Variants in CSMD2 observed in about 807,000 individuals in gnomAD.
The protein encoded by CSMD2 is CUB and sushi domain-containing protein 2.
CSMD2 carries 130 observed loss-of-function variants against 398.5 expected under a neutral mutation model. The ratio of observed to expected loss-of-function variants is 0.33; its 90% CI spans 0.28 to 0.38. The LOEUF is 0.38. CSMD2 is among the 10% of genes least tolerant of loss of function. The pLI is 1.00. For synonymous variants in CSMD2, 1,828 were observed against 1,908.5 expected, an observed-to-expected ratio of 0.96 and a Z score of 1.10; for missense variants, 3,829 against 4,764.9, an observed-to-expected ratio of 0.80 and a Z score of 5.78.
At chr1:33,890,240 T>TC (rs1412255080) in intron 5 of CSMD2, among the ~76,000 whole-genome samples, 1 of 148,412 alleles carries the variant, frequency 6.7e-6, no homozygotes, top group Non-Finnish European at 1.5e-5. Flanking sequence ...TTCTTTTTTT[T>TC]TTTTTTTTGA....
intron 5 of CSMD2, among the ~76,000 whole-genome samples, chr1:33,868,793 G>C (rs1470974426): frequency 6.6e-6 from 1 of 152,042 alleles, no homozygotes; most frequent in African/African-American, 2.4e-5. Flanking sequence ...GTTTTTGATA[G>C]GGTAAAGTAC....
At chr1:33,540,451 C>T (rs1234618702) in intron 60 of CSMD2, 74 bp downstream of exon 60, 1 of 1,530,442 alleles carries the variant, frequency 6.5e-7, no homozygotes, top group Non-Finnish European at 8.9e-7. Flanking sequence ...GGCCTTCCAG[C>T]CACAAAGCTC....
rs567270859 is a variant in CSMD2 at position 34,145,046 on chromosome 1, T to C, written c.187+19865A>G. Among the ~76,000 whole-genome samples the C allele has an allele frequency of 2.0e-5, 3 of 152,260 alleles. No individual in the cohort carries two copies. In the East Asian group the frequency reaches 5.8e-4, roughly 29 times the overall value. On this transcript the variant is annotated intron_variant, in intron 1 of 70. Coordinates refer to ENST00000373381, the MANE Select transcript of CSMD2 (RefSeq NM_001281956.2). ...AGGCTTGCCAATTAAGGGATGGTGG[T>C]TCCCCAACCCCTCCGCTTGACTGCA...
In CSMD2 at chr1:33,846,972, G is replaced by A; in HGVS notation, c.945C>T (p.Ala315=). The A allele has an allele frequency of 1.2e-6, 2 of 1,609,670 alleles. No homozygotes were observed. Among genetic ancestry groups the A allele is most frequent in the Middle Eastern group, 1.7e-4 (1 of 6,050 alleles). The part of the protein sequence containing the change: ...SLWFTGASLP[A]PVISSKNWLR... Reference sequence around the variant, plus strand: ...GCCAGTTCTTGCTGCTGATAACGGGGGCTGGGAGGCTGGCTCCGGTGAACC... The same window carrying A: ...GCCAGTTCTTGCTGCTGATAACGGGAGCTGGGAGGCTGGCTCCGGTGAACC... Residue 315 remains alanine (A), a synonymous_variant, in exon 6 of 71, where the codon GCC becomes GCT. Coordinates refer to ENST00000373381, the MANE Select transcript of CSMD2 (RefSeq NM_001281956.2).
chr1:34,040,646 C>T (rs754689369), intron 2 of CSMD2, among the ~76,000 whole-genome samples: 2 of 152,142 alleles, frequency 1.3e-5, no homozygotes, highest in African/African-American at 2.4e-5. Flanking sequence ...CTGATGCTGG[C>T]AGTATAGACA....
intron 2 of CSMD2, among the ~76,000 whole-genome samples, chr1:34,045,865 C>T (rs1261274524): frequency 1.3e-5 from 2 of 152,226 alleles, no homozygotes; most frequent in Non-Finnish European, 2.9e-5. Flanking sequence ...GTTCCCAAAT[C>T]ATGTTGCACA....
intron 13 of CSMD2, among the ~76,000 whole-genome samples, chr1:33,749,092 CT>C (rs72469561): frequency 0.033 from 2,859 of 87,670 alleles, 10 homozygotes; most frequent in Middle Eastern, 0.052. Context: ...ATACAGACTT[CT>C]TTTTTTTTTT....
At chr1:33,692,668 C>G (rs1571241142) in intron 25 of CSMD2, among the ~76,000 whole-genome samples, 1 of 152,216 alleles carries the variant, frequency 6.6e-6, no homozygotes, top group South Asian at 2.1e-4. Context: ...GGTCTGCATG[C>G]CTTCAATCCA....
chr1:33,681,349 A>C (rs139582920), intron 25 of CSMD2, among the ~76,000 whole-genome samples: 70 of 152,312 alleles, frequency 4.6e-4, no homozygotes, highest in African/African-American at 1.6e-3. Context: ...GTTTTCTTTA[A>C]GCATTTTCAA....
intron 10 of CSMD2, among the ~76,000 whole-genome samples, chr1:33,792,728 T>C (rs1023840503): frequency 1.3e-5 from 2 of 152,204 alleles, no homozygotes; most frequent in Non-Finnish European, 2.9e-5. Flanking sequence ...CAGGGCCCCC[T>C]GATGTTTCTG....
chr1:34,088,518 C>G (rs1658180892), intron 2 of CSMD2, among the ~76,000 whole-genome samples: 1 of 152,148 alleles, frequency 6.6e-6, no homozygotes, highest in South Asian at 2.1e-4. Context: ...AGAACTCCCC[C>G]AAATTCCAGA....
At chr1:33,907,243 C>T (rs535212226) in intron 5 of CSMD2, among the ~76,000 whole-genome samples, 7 of 151,466 alleles carry the variant, frequency 4.6e-5, no homozygotes, top group South Asian at 2.1e-4. Flanking sequence ...CTCAGCCTCC[C>T]GAGTAGCTGG....
chr1:33,948,731 A>G (rs1043432650), intron 3 of CSMD2, among the ~76,000 whole-genome samples: 39 of 152,198 alleles, frequency 2.6e-4, no homozygotes, highest in African/African-American at 8.9e-4. Flanking sequence ...GTGTTATATC[A>G]CACACTCATG....
intron 10 of CSMD2, among the ~76,000 whole-genome samples, chr1:33,794,195 C>T (rs921481160): frequency 3.3e-5 from 5 of 152,200 alleles, no homozygotes; most frequent in African/African-American, 1.2e-4. Flanking sequence ...ATCCCAGAGG[C>T]AAACTGACAC....
chr1:33,751,896 A>T (rs922443200), intron 13 of CSMD2, among the ~76,000 whole-genome samples: 7 of 152,000 alleles, frequency 4.6e-5, no homozygotes, highest in African/African-American at 1.7e-4. Flanking sequence ...AAGTGCTGGG[A>T]TTACAGGCAT....
At chr1:33,886,214 G>A (rs1293618667) in intron 5 of CSMD2, among the ~76,000 whole-genome samples, 1 of 152,164 alleles carries the variant, frequency 6.6e-6, no homozygotes, top group African/African-American at 2.4e-5. Context: ...AGCCATCAAA[G>A]AGTTTTCAGC....
Position 33,716,360 on chromosome 1 carries a change from C to A in CSMD2, c.3143G>T (p.Gly1048Val), listed in dbSNP as rs1006758672. The stretch of plus-strand genomic sequence containing the variant: ...GAAGCGGACCTGGGCAGTGAAGTTG[C>A]CATAGAGCCCAGCGCTGATGGGAGC... ...LPAPISAGLY[G>V]NFTAQVRFIS... The change falls in exon 20 of 71, where the codon GGC becomes GTC. Residue 1048 changes from glycine (G) to valine (V), a missense_variant. Gly to Val is a moderately radical substitution (Grantham distance 109, BLOSUM62 -3). Transcript: ENST00000373381. 6.2e-7 allele frequency: 1 copy of A among 1,613,978 alleles called. No homozygotes were observed. The highest frequency in any genetic ancestry group is 1.3e-5 in the African/African-American group (1 of 74,900).
chr1:33,868,478 C>A (rs916065160), intron 5 of CSMD2, among the ~76,000 whole-genome samples: 15 of 152,090 alleles, frequency 9.9e-5, no homozygotes, highest in African/African-American at 3.1e-4. Context: ...TGGCTCATAC[C>A]TGTAATCCCA....
chr1:34,096,300 T>A (rs1457359722), intron 1 of CSMD2, among the ~76,000 whole-genome samples: 2 of 151,272 alleles, frequency 1.3e-5, no homozygotes, highest in African/African-American at 4.8e-5. Flanking sequence ...CCACAGCCAA[T>A]ATCATACTGA....
Sources: gnomAD v4.1 joint callset for allele counts (sites outside exome capture counted in the v4.1 genomes callset) on GRCh38, gnomAD v4.1.1 for gene constraint, MANE v1.5 for transcripts, NCBI Gene and HGNC (gene_info 2026-07-23, HGNC 2026-07-21) for gene names.